Variants in ZNRF3 observed in about 807,000 individuals in gnomAD.
The protein encoded by ZNRF3 is zinc and ring finger 3.
ZNRF3 carries 23 observed loss-of-function variants against 72.5 expected under a neutral mutation model. That is an observed-to-expected ratio of 0.32 (90% confidence interval 0.23 to 0.45). The LOEUF (loss-of-function observed/expected upper bound fraction) is 0.45. Ranked by LOEUF, ZNRF3 falls within the 20% of genes least tolerant of loss-of-function variation. The probability of loss-of-function intolerance (pLI) is 1.00; values close to 1 mark genes in which losing one functional copy is unlikely to be tolerated. For synonymous variants in ZNRF3, 610 were observed against 545.3 expected (o/e 1.12, Z -1.65); for missense variants, 1,169 against 1,272.1 (o/e 0.92, Z 1.23).
At chr22:28,937,209 A>ATT (rs2034849932) in intron 1 of ZNRF3, among the ~76,000 whole-genome samples, 1 of 2,700 alleles carries the variant, frequency 3.7e-4, no homozygotes. Flanking sequence ...ATATATATAT[A>ATT]TATATATTTT....
rs999585252 is a variant in ZNRF3 at position 28,923,863 on chromosome 22, C to T, written c.300+39797C>T. On this transcript the variant is annotated intron_variant, in intron 1 of 8. Transcript: ENST00000544604. ...TTCACTGCTCATGCACTGGCAGCCA[C>T]GTCTAGAGGCTGGGTCTGGGGTGGA... Among the ~76,000 whole-genome samples, 9 of 152,370 alleles carry T rather than the reference C, an allele frequency of 5.9e-5. No homozygotes were observed. In the South Asian group the frequency reaches 1.2e-3, roughly 21 times the overall value.
chr22:29,032,582 A>G (rs1314473355), intron 2 of ZNRF3, among the ~76,000 whole-genome samples: 1 of 152,228 alleles, frequency 6.6e-6, no homozygotes, highest in Admixed American at 6.5e-5. Flanking sequence ...ATGTTCCAAG[A>G]AAATTTGGTA....
chr22:28,972,696 A>G (rs950886693), intron 1 of ZNRF3, among the ~76,000 whole-genome samples: 2 of 152,184 alleles, frequency 1.3e-5, no homozygotes, highest in African/African-American at 2.4e-5. Context: ...ACTCTTTTCC[A>G]AAGTGGCTGC....
chr22:29,028,295 A>G (rs1252018095), intron 2 of ZNRF3, among the ~76,000 whole-genome samples: 3 of 152,072 alleles, frequency 2.0e-5, no homozygotes, highest in Non-Finnish European at 4.4e-5. Context: ...CCACCCTGCC[A>G]CCTCTCAGGG....
At chr22:28,954,341 G>A (rs947962655) in intron 1 of ZNRF3, among the ~76,000 whole-genome samples, 1 of 152,188 alleles carries the variant, frequency 6.6e-6, no homozygotes, top group African/African-American at 2.4e-5. Flanking sequence ...AAGAAAGTGT[G>A]AGTGAGTGAG....
intron 1 of ZNRF3, among the ~76,000 whole-genome samples, chr22:28,946,943 G>T (rs951347733): frequency 6.6e-6 from 1 of 152,212 alleles, no homozygotes; most frequent in Non-Finnish European, 1.5e-5. Context: ...TGGGAAACCT[G>T]TAAGAATGGG....
chr22:28,923,897 G>T (rs60747358), intron 1 of ZNRF3, among the ~76,000 whole-genome samples: 9 of 152,256 alleles, frequency 5.9e-5, no homozygotes, highest in Non-Finnish European at 1.3e-4. Context: ...GAGCCCAAGT[G>T]GGGTGGGGGA....
Position 29,046,831 on chromosome 22 carries a change from G to C in ZNRF3, c.860G>C (p.Ser287Thr). 6.2e-7 allele frequency: 1 copy of C among 1,609,818 alleles called. No homozygotes were observed. The highest frequency in any genetic ancestry group is 8.5e-7 in the Non-Finnish European group (1 of 1,177,986). ...TGTGGGGCCCTGGACACACTCAGCA[G>C]CAGCTCCACGTCCGACTGTGCCATC... The part of the protein sequence containing the change: ...GSCGALDTLS[S>T]SSTSDCAICL... Residue 287 changes from serine (S) to threonine (T), a missense_variant, in exon 6 of 9, where the codon AGC (serine) becomes ACC (threonine). Around this residue, in one of 2 missense-constraint regions of ZNRF3, gnomAD observed 386 missense variants for 540.7 expected, o/e 0.71. Transcript: ENST00000544604.
intron 8 of ZNRF3, among the ~76,000 whole-genome samples, chr22:29,051,652 A>G (rs2123890310): frequency 6.6e-6 from 1 of 151,322 alleles, no homozygotes; most frequent in African/African-American, 2.4e-5. Flanking sequence ...CATGCCTGTA[A>G]TCCCTGCACT....
intron 1 of ZNRF3, among the ~76,000 whole-genome samples, chr22:28,950,476 T>G (rs1440424253): frequency 6.6e-6 from 1 of 152,194 alleles, no homozygotes; most frequent in Non-Finnish European, 1.5e-5. Context: ...ATATGCAAAA[T>G]CACAAAGCAC....
intron 1 of ZNRF3, among the ~76,000 whole-genome samples, chr22:28,894,169 G>C (rs2033949329): frequency 6.6e-6 from 1 of 151,042 alleles, no homozygotes; most frequent in Non-Finnish European, 1.5e-5. Flanking sequence ...TATTGCCAAG[G>C]TTGGTCTCAA....
At chr22:28,941,684 G>A (rs2034949748) in intron 1 of ZNRF3, among the ~76,000 whole-genome samples, 1 of 152,178 alleles carries the variant, frequency 6.6e-6, no homozygotes, top group Non-Finnish European at 1.5e-5. Flanking sequence ...GGGAGGCTGA[G>A]GCGGGTGGGT....
At chr22:29,053,107 C>T (rs2037236661) in intron 8 of ZNRF3, among the ~76,000 whole-genome samples, 1 of 152,182 alleles carries the variant, frequency 6.6e-6, no homozygotes, top group African/African-American at 2.4e-5. Flanking sequence ...TTCCCATGTG[C>T]CAAGCTCATT....
chr22:28,913,824 G>T (rs144296589), intron 1 of ZNRF3, among the ~76,000 whole-genome samples: 68 of 152,280 alleles, frequency 4.5e-4, no homozygotes, highest in African/African-American at 1.4e-3. Flanking sequence ...TTGTAGGCAG[G>T]TGGGGGCCAC....
At chr22:28,918,262 TG>T (rs2034443359) in intron 1 of ZNRF3, among the ~76,000 whole-genome samples, 2 of 152,300 alleles carry the variant, frequency 1.3e-5, no homozygotes, top group South Asian at 4.1e-4. Flanking sequence ...CACTCCTCCC[TG>T]GGCTGTACAA....
At chr22:28,902,731 T>G (rs1299000687) in intron 1 of ZNRF3, among the ~76,000 whole-genome samples, 2 of 152,202 alleles carry the variant, frequency 1.3e-5, no homozygotes, top group African/African-American at 4.8e-5. Flanking sequence ...TTTCTGCATC[T>G]GTAAAATGGA....
At chr22:28,909,164 T>C (rs1171404167) in intron 1 of ZNRF3, among the ~76,000 whole-genome samples, 1 of 152,196 alleles carries the variant, frequency 6.6e-6, no homozygotes, top group East Asian at 1.9e-4. Context: ...CCCAAAGTGC[T>C]AGGATTACAG....
intron 2 of ZNRF3, among the ~76,000 whole-genome samples, chr22:28,992,206 C>G (rs970311636): frequency 6.8e-6 from 1 of 147,940 alleles, no homozygotes; most frequent in East Asian, 2.0e-4. Flanking sequence ...CCCCCCACCC[C>G]CCGGAAAAAC....
At chr22:28,938,718 A>G (rs1213566514) in intron 1 of ZNRF3, among the ~76,000 whole-genome samples, 1 of 152,184 alleles carries the variant, frequency 6.6e-6, no homozygotes, top group Non-Finnish European at 1.5e-5. Flanking sequence ...GGGTATGCTT[A>G]GGGAACTCAC....
Sources: gnomAD v4.1 joint callset for allele counts (sites outside exome capture counted in the v4.1 genomes callset) on GRCh38, gnomAD v4.1.1 for gene constraint, gnomAD v4.1.1 regional missense constraint, MANE v1.5 for transcripts, NCBI Gene and HGNC (gene_info 2026-07-23, HGNC 2026-07-21) for gene names.